The following RBFOX1 variants were observed in gnomAD, a reference collection of about 807,000 sequenced individuals.
RBFOX1 encodes the protein RNA binding fox-1 homolog 1, also known as RNA binding protein fox-1 homolog 1.
RBFOX1 carries 8 observed loss-of-function variants against 57.7 expected under a neutral mutation model. The observed-to-expected ratio is 0.14, with a 90% CI of 0.08 to 0.25. The LOEUF (loss-of-function observed/expected upper bound fraction) is 0.25, where lower values mean the gene tolerates loss of function less well. Ranked by LOEUF, RBFOX1 falls within the 10% of genes least tolerant of loss-of-function variation. The pLI, the probability that RBFOX1 is intolerant of heterozygous loss-of-function variation, is 1.00. For missense variants in RBFOX1, 611 were observed against 548.5 expected, an observed-to-expected ratio of 1.11 and a Z score of -1.14; for synonymous variants, 326 against 222.4, an observed-to-expected ratio of 1.47 and a Z score of -4.15.
At chr16:5,815,664 G>A (rs754699277) in intron 3 of RBFOX1, among the ~76,000 whole-genome samples, 3 of 152,136 alleles carry the variant, frequency 2.0e-5, no homozygotes, top group Non-Finnish European at 4.4e-5. Flanking sequence ...GTGTGTGAAG[G>A]TCCTCAAAGA....
In RBFOX1 at chr16:6,212,730, A is replaced by AAC. The variant is rs763645920; in HGVS notation, c.-126-104264_-126-104263insCA. Among the ~76,000 whole-genome samples the AAC allele has an allele frequency of 2.2e-3, 238 of 107,846 alleles. 2 individuals are homozygous for AAC. Among genetic ancestry groups the AAC allele is most frequent in the African/African-American group, 4.4e-3 (135 of 30,610 alleles). 70.8% of individuals were successfully genotyped at this position (107,846 alleles called of 152,430 possible). On this transcript the variant is annotated intron_variant, in intron 1 of 15. Coordinates refer to ENST00000550418, the MANE Select transcript of RBFOX1 (RefSeq NM_018723.4). ...AAAAAAACAAACAAACAAACAAACAAAAAAAAAACCCACTAATATGATAAT... is the reference window on the plus strand; with the variant it reads ...AAAAAAACAAACAAACAAACAAACAAACAAAAAAAACCCACTAATATGATAAT...
intron 2 of RBFOX1, among the ~76,000 whole-genome samples, chr16:6,506,503 C>G (rs932103108): frequency 6.6e-6 from 1 of 151,932 alleles, no homozygotes; most frequent in African/African-American, 2.4e-5. Flanking sequence ...AAAAAAGATG[C>G]GTCAGGGTTA....
intron 3 of RBFOX1, among the ~76,000 whole-genome samples, chr16:6,870,961 G>C (rs537888100): frequency 3.9e-5 from 6 of 152,180 alleles, no homozygotes; most frequent in African/African-American, 1.2e-4. Flanking sequence ...TATTCCTGTA[G>C]ACCTGGATGT....
At chr16:6,667,556 T>G (rs942250887) in intron 3 of RBFOX1, among the ~76,000 whole-genome samples, 3 of 152,092 alleles carry the variant, frequency 2.0e-5, no homozygotes, top group African/African-American at 2.4e-5. Context: ...AGGGTACTTA[T>G]CATCTTGGCT....
chr16:6,665,516 T>C (rs747324699), intron 3 of RBFOX1, among the ~76,000 whole-genome samples: 18 of 147,536 alleles, frequency 1.2e-4, no homozygotes, highest in Non-Finnish European at 2.2e-4. Flanking sequence ...TCGCAGCTAC[T>C]TGGGAGGCTG....
chr16:5,615,673 G>A (rs867275466), intron 3 of RBFOX1, among the ~76,000 whole-genome samples: 4 of 152,242 alleles, frequency 2.6e-5, no homozygotes, highest in East Asian at 1.9e-4. Flanking sequence ...ACTTTGGATC[G>A]AGCCGTTTCT....
chr16:5,531,802 CTTTTT>C (rs35194843), intron 2 of RBFOX1, among the ~76,000 whole-genome samples: 12 of 134,250 alleles, frequency 8.9e-5, no homozygotes, highest in Non-Finnish European at 1.6e-4. Flanking sequence ...GTCAAGAGGT[CTTTTT>C]TTTTTTTTTT....
intron 2 of RBFOX1, among the ~76,000 whole-genome samples, chr16:6,352,369 A>G (rs546513984): frequency 6.6e-6 from 1 of 152,334 alleles, no homozygotes; most frequent in Non-Finnish European, 1.5e-5. Flanking sequence ...TGAAATAATG[A>G]TGCCACCTAT....
chr16:7,556,059 A>C (rs970370022), intron 5 of RBFOX1, among the ~76,000 whole-genome samples: 1 of 152,188 alleles, frequency 6.6e-6, no homozygotes. Context: ...TTTATACTAC[A>C]AGAAAGTAAC....
chr16:6,724,470 A>C (rs2066717351), intron 3 of RBFOX1, among the ~76,000 whole-genome samples: 1 of 152,180 alleles, frequency 6.6e-6, no homozygotes, highest in South Asian at 2.1e-4. Flanking sequence ...GTCCTCCCAA[A>C]GTGCTGGGAT....
At chr16:7,660,193 C>G (rs560814532) in intron 12 of RBFOX1, among the ~76,000 whole-genome samples, 1 of 152,168 alleles carries the variant, frequency 6.6e-6, no homozygotes, top group East Asian at 1.9e-4. Flanking sequence ...ACTCCCTGCT[C>G]GCATTCATTC....
intron 3 of RBFOX1, among the ~76,000 whole-genome samples, chr16:5,651,550 G>A (rs978626386): frequency 7.9e-5 from 12 of 152,094 alleles, no homozygotes; most frequent in African/African-American, 1.9e-4. Flanking sequence ...GGGTTGTCAG[G>A]AGTCAGCATT....
chr16:5,280,472 C>T (rs2333754), intron 1 of RBFOX1, among the ~76,000 whole-genome samples: 1 of 152,170 alleles, frequency 6.6e-6, no homozygotes, highest in African/African-American at 2.4e-5. Flanking sequence ...GAAGAATTCC[C>T]TCCTCTTCAA....
intron 4 of RBFOX1, among the ~76,000 whole-genome samples, chr16:7,104,405 T>C (rs961681851): frequency 1.3e-5 from 2 of 152,122 alleles, no homozygotes; most frequent in African/African-American, 2.4e-5. Flanking sequence ...AGTATGCCCC[T>C]CTGATTAAAA....
intron 2 of RBFOX1, among the ~76,000 whole-genome samples, chr16:6,490,993 G>A (rs2095619600): frequency 6.6e-6 from 1 of 152,022 alleles, no homozygotes; most frequent in Non-Finnish European, 1.5e-5. Context: ...ACCAGAATTT[G>A]TTGTTCAGTG....
chr16:5,738,720 G>A (rs2052670512), intron 3 of RBFOX1, among the ~76,000 whole-genome samples: 1 of 151,678 alleles, frequency 6.6e-6, no homozygotes, highest in South Asian at 2.1e-4. Context: ...GTTTTCCACT[G>A]GGGCATTTGA....
chr16:5,311,850 G>C (rs60515350), intron 1 of RBFOX1, among the ~76,000 whole-genome samples: 7,243 of 152,264 alleles, frequency 0.048, 559 homozygotes, highest in African/African-American at 0.17. Flanking sequence ...GCAAGCCCCA[G>C]TTGTGCCTGG....
At chr16:7,301,109 A>G (rs979186505) in intron 4 of RBFOX1, among the ~76,000 whole-genome samples, 3 of 152,104 alleles carry the variant, frequency 2.0e-5, no homozygotes, top group African/African-American at 7.2e-5. Flanking sequence ...CTATCCCCAG[A>G]TGCGGTTTAA....
At chr16:7,060,522 G>A (rs2053923198) in intron 4 of RBFOX1, among the ~76,000 whole-genome samples, 1 of 152,134 alleles carries the variant, frequency 6.6e-6, no homozygotes, top group Non-Finnish European at 1.5e-5. Context: ...AATACCTTCT[G>A]CCATTCTCAA....
Sources: gnomAD v4.1 joint callset for allele counts (sites outside exome capture counted in the v4.1 genomes callset) on GRCh38, gnomAD v4.1.1 for gene constraint, MANE v1.5 for transcripts, NCBI Gene and HGNC (gene_info 2026-07-23, HGNC 2026-07-21) for gene names.